The following P4HA3 variants were observed in gnomAD, a reference collection of about 807,000 sequenced individuals.
P4HA3 encodes prolyl 4-hydroxylase subunit alpha-3.
A neutral mutation model predicts 66.7 loss-of-function variants in P4HA3; 60 were observed. That is an observed-to-expected ratio of 0.90 (90% CI 0.73 to 1.12). The LOEUF (loss-of-function observed/expected upper bound fraction) is 1.12. Ranked by LOEUF, P4HA3 falls within the 50% of genes most tolerant of loss-of-function variation. The probability of loss-of-function intolerance (pLI) is 0.00; values close to 1 mark genes in which losing one functional copy is unlikely to be tolerated. For synonymous variants in P4HA3, 263 were observed against 274.6 expected, an observed-to-expected ratio of 0.96 and a Z score of 0.42; for missense variants, 683 against 685.8, an observed-to-expected ratio of 1.00 and a Z score of 0.05.
intron 15 of P4HA3, chr11:74,250,175 A>C (rs1859619204): frequency 6.6e-6 from 1 of 152,174 alleles, no homozygotes; most frequent in Non-Finnish European, 1.5e-5. Flanking sequence ...TTATTTTATA[A>C]ATAGAGAATC....
At chr11:74,279,339 AC>A in intron 8 of P4HA3, 48 bp downstream of exon 8, 1 of 1,554,830 alleles carries the variant, frequency 6.4e-7, no homozygotes, top group Non-Finnish European at 8.9e-7. Flanking sequence ...CAGCTATGCT[AC>A]GGCCCGAGGG....
At chr11:74,272,028 A>C (rs924800411) in intron 10 of P4HA3, among the ~76,000 whole-genome samples, 3 of 152,220 alleles carry the variant, frequency 2.0e-5, no homozygotes, top group Non-Finnish European at 2.9e-5. Flanking sequence ...GAGGAAGCAC[A>C]GGGCAAAAAG....
intron 1 of P4HA3, among the ~76,000 whole-genome samples, chr11:74,304,625 G>A (rs913655574): frequency 6.6e-6 from 1 of 152,236 alleles, no homozygotes; most frequent in South Asian, 2.1e-4. Context: ...TTCACTGAAT[G>A]AGTCAGTCTA....
At chr11:74,305,323 C>T (rs983461446) in intron 1 of P4HA3, among the ~76,000 whole-genome samples, 2 of 152,096 alleles carry the variant, frequency 1.3e-5, no homozygotes, top group Admixed American at 6.5e-5. Flanking sequence ...TTATTGAGCT[C>T]CTACCATGTA....
intron 12 of P4HA3, among the ~76,000 whole-genome samples, chr11:74,267,540 C>T (rs1025351544): frequency 2.0e-5 from 3 of 152,238 alleles, no homozygotes; most frequent in African/African-American, 7.2e-5. Flanking sequence ...AAAAAAGTCA[C>T]AGGTCCTGTC....
In P4HA3 at chr11:74,273,579, T is replaced by A; in HGVS notation, c.1364A>T (p.Lys455Met). The A allele has an allele frequency of 6.4e-7, 1 of 1,568,428 alleles. No homozygotes were observed. Among genetic ancestry groups the A allele is most frequent in the Non-Finnish European group, 8.6e-7 (1 of 1,160,318 alleles). ...AAATGTTGCAACTCGGTTTCCTGAC[T>A]TCATTCTGTAGAGGGGGCTGCTTGG... ...TSPSSPLYRMKSGNRVATFMI... is the reference protein window; with the variant it reads ...TSPSSPLYRMMSGNRVATFMI... The change falls in exon 10 of 13, where the codon AAG becomes ATG. Residue 455 changes from lysine (K) to methionine (M), a missense_variant. Lys to Met is a moderately conservative substitution (Grantham distance 95, BLOSUM62 -1). Transcript: ENST00000331597.
chr11:74,266,224 C>T (rs1204135328), downstream of P4HA3, among the ~76,000 whole-genome samples: 2 of 152,046 alleles, frequency 1.3e-5, no homozygotes, highest in African/African-American at 4.8e-5. Context: ...GAGATTACAG[C>T]ATAAATAAAA....
intron 1 of P4HA3, among the ~76,000 whole-genome samples, chr11:74,308,673 T>C (rs760420013): frequency 6.6e-5 from 10 of 152,078 alleles, no homozygotes; most frequent in Admixed American, 2.0e-4. Flanking sequence ...ATTGAGAACT[T>C]TTCTGATTTG....
At chr11:74,300,463 T>C (rs747168793) in intron 3 of P4HA3, among the ~76,000 whole-genome samples, 6 of 151,898 alleles carry the variant, frequency 4.0e-5, no homozygotes, top group Non-Finnish European at 5.9e-5. Flanking sequence ...AGACCCTTAT[T>C]AAAAAATTAG....
chr11:74,302,624 T>G lies in P4HA3; in HGVS notation c.344-32A>C, dbSNP rs1428367084. 4 of 1,580,280 alleles carry G rather than the reference T, an allele frequency of 2.5e-6. No individual in the cohort carries two copies. In the Admixed American group the frequency reaches 7.2e-5, roughly 28 times the overall value. On this transcript the variant is annotated intron_variant, in intron 2 of 12. Coordinates refer to ENST00000331597, the MANE Select transcript of P4HA3 (RefSeq NM_182904.5). ...AAGTAGTAAAAACATCAACCCAGCA[T>G]TCAAGAAACAGGAGTTGGGCATTTA...
intron 15 of P4HA3, chr11:74,251,826 A>G (rs1213084509): frequency 1.5e-6 from 2 of 1,343,420 alleles, no homozygotes; most frequent in Non-Finnish European, 2.1e-6. Context: ...TTTGGTCACC[A>G]TGCCTTTCTT....
In P4HA3 at chr11:74,267,008, T is replaced by A. The variant is rs1167743124; in HGVS notation, c.*240A>T. ...AGAAACTTCCCTCTCAGGCCTCCAC[T>A]CCCCCCTCCTTTGTACTGTGCATCC... is the stretch of plus-strand genomic sequence containing the variant. On this transcript the variant is annotated 3_prime_UTR_variant, in exon 13 of 13. Coordinates refer to ENST00000331597, the MANE Select transcript of P4HA3 (RefSeq NM_182904.5). 1.3e-6 allele frequency: 2 copies of A among 1,504,346 alleles called. No homozygotes were observed. The highest frequency in any genetic ancestry group is 4.1e-5 in the Admixed American group (2 of 48,590). 93.2% of individuals were successfully genotyped at this position (1,504,346 alleles called of 1,614,324 possible).
chr11:74,283,265 T>G (rs1214877340), intron 7 of P4HA3, among the ~76,000 whole-genome samples: 2 of 152,068 alleles, frequency 1.3e-5, no homozygotes, highest in African/African-American at 4.8e-5. Flanking sequence ...TCTGGGTGGG[T>G]CACTTCTCCC....
intron 15 of P4HA3, chr11:74,254,798 A>G (rs1389679424): frequency 6.6e-6 from 1 of 151,696 alleles, no homozygotes; most frequent in Non-Finnish European, 1.5e-5. Flanking sequence ...AACTCCAGAA[A>G]CCCCTTTCCC....
chr11:74,287,093 T>A, intron 5 of P4HA3: 2 of 1,174,186 alleles, frequency 1.7e-6, no homozygotes, highest in Non-Finnish European at 2.1e-6. Flanking sequence ...ACCCAATAAA[T>A]CTTGTGTCTT....
intron 1 of P4HA3, among the ~76,000 whole-genome samples, chr11:74,310,986 TGTCA>T (rs1163637654): frequency 2.0e-5 from 3 of 152,336 alleles, no homozygotes; most frequent in Non-Finnish European, 4.4e-5. Context: ...ACTGTGTCTG[TGTCA>T]GTGTGACACA....
intron 3 of P4HA3, among the ~76,000 whole-genome samples, chr11:74,300,601 A>G (rs1013352897): frequency 6.6e-6 from 1 of 152,204 alleles, no homozygotes; most frequent in Admixed American, 6.5e-5. Flanking sequence ...GTGTCACTGC[A>G]CTTACTTGGA....
intron 10 of P4HA3, 46 bp downstream of exon 10, chr11:74,273,498 TA>T (rs779655797): frequency 7.4e-7 from 1 of 1,352,678 alleles, no homozygotes; most frequent in East Asian, 2.7e-5. Context: ...TAAAATAAAG[TA>T]GAGCTATAGT....
intron 7 of P4HA3, 124 bp downstream of exon 7, chr11:74,285,685 T>C: frequency 9.7e-7 from 1 of 1,028,140 alleles, no homozygotes; most frequent in Non-Finnish European, 1.4e-6. Flanking sequence ...ATGGAATGGT[T>C]GGCATTCTGA....
Sources: gnomAD v4.1 joint callset for allele counts (sites outside exome capture counted in the v4.1 genomes callset) on GRCh38, gnomAD v4.1.1 for gene constraint, MANE v1.5 for transcripts, NCBI Gene and HGNC (gene_info 2026-07-23, HGNC 2026-07-21) for gene names.